Variants in STK3 observed in about 807,000 individuals in gnomAD.
STK3 encodes the protein serine/threonine kinase 3.
A neutral mutation model predicts 58.0 loss-of-function variants in STK3; 41 were observed. That is an observed-to-expected ratio of 0.71 (90% CI 0.55 to 0.92). STK3 has a LOEUF of 0.92. Among genes scored for constraint, STK3 ranks in the 40% least tolerant of loss-of-function variants. The pLI is 0.00. For missense variants in STK3, 479 were observed against 602.7 expected, an observed-to-expected ratio of 0.79 and a Z score of 2.15; for synonymous variants, 170 against 191.0, an observed-to-expected ratio of 0.89 and a Z score of 0.91.
At chr8:98,922,707 T>G (rs1839612511) in intron 1 of STK3, among the ~76,000 whole-genome samples, 1 of 152,236 alleles carries the variant, frequency 6.6e-6, no homozygotes. Flanking sequence ...GTTCTTAGAA[T>G]TTATTATTTA....
intron 3 of STK3, among the ~76,000 whole-genome samples, chr8:98,841,829 G>A (rs1836000702): frequency 6.6e-6 from 1 of 151,884 alleles, no homozygotes; most frequent in Non-Finnish European, 1.5e-5. Flanking sequence ...AAGAAAAATA[G>A]GACTTCAACA....
intron 4 of STK3, among the ~76,000 whole-genome samples, chr8:98,731,970 C>T (rs1008573532): frequency 2.6e-5 from 4 of 152,056 alleles, no homozygotes; most frequent in African/African-American, 7.3e-5. Context: ...ATTTAAAAAA[C>T]GTATTATTCT....
intron 2 of STK3, among the ~76,000 whole-genome samples, chr8:98,372,688 G>T (rs2130991040): frequency 6.6e-6 from 1 of 152,318 alleles, no homozygotes; most frequent in African/African-American, 2.4e-5. Context: ...CAGAACATTG[G>T]CTCCGCTTCA....
At chr8:98,445,444 A>G (rs1459337634) in intron 1 of STK3, among the ~76,000 whole-genome samples, 1 of 152,134 alleles carries the variant, frequency 6.6e-6, no homozygotes, top group Non-Finnish European at 1.5e-5. Context: ...CACCAAACAT[A>G]TCCAAAATAT....
At chr8:98,790,475 A>G (rs924484843) in intron 1 of STK3, among the ~76,000 whole-genome samples, 2 of 152,194 alleles carry the variant, frequency 1.3e-5, no homozygotes, top group Non-Finnish European at 2.9e-5. Context: ...ACATCCCTCT[A>G]TGATTAAAAC....
chr8:98,927,620 G>A, intron 1 of STK3, among the ~76,000 whole-genome samples: 1 of 152,218 alleles, frequency 6.6e-6, no homozygotes, highest in East Asian at 1.9e-4. Flanking sequence ...TAAAGAAACT[G>A]AAGCAAAGAT....
At chr8:98,903,557 C>CCTCTTCTTCTTCTTCT (rs1838763570) in intron 1 of STK3, among the ~76,000 whole-genome samples, 1 of 9,928 alleles carries the variant, frequency 1.0e-4, no homozygotes, top group African/African-American at 3.5e-4. Context: ...CTTCTTCTTC[C>CCTCTTCTTCTTCTTCT]TTTTTTTTTT....
intron 4 of STK3, among the ~76,000 whole-genome samples, chr8:98,742,845 CA>C (rs1487282969): frequency 6.6e-6 from 1 of 151,898 alleles, no homozygotes; most frequent in Non-Finnish European, 1.5e-5. Context: ...TGTCTTAGCC[CA>C]AAATCTCCTT....
intron 3 of STK3, among the ~76,000 whole-genome samples, chr8:98,414,210 G>A (rs1019488995): frequency 3.9e-5 from 6 of 152,170 alleles, no homozygotes; most frequent in African/African-American, 7.2e-5. Context: ...GTTGCAGTGA[G>A]CCAAGATCGT....
chr8:98,844,750 C>G (rs1317743240), intron 3 of STK3, among the ~76,000 whole-genome samples: 1 of 152,250 alleles, frequency 6.6e-6, no homozygotes, highest in South Asian at 2.1e-4. Flanking sequence ...CAGGTGTGAG[C>G]CACTGTGCCC....
intron 1 of STK3, among the ~76,000 whole-genome samples, chr8:98,788,424 T>A (rs1832603931): frequency 6.6e-6 from 1 of 150,444 alleles, no homozygotes; most frequent in Non-Finnish European, 1.5e-5. Context: ...GGTGATGGAG[T>A]AAGACTCCAT....
At chr8:98,643,753 A>G (rs1587132219) in intron 6 of STK3, among the ~76,000 whole-genome samples, 1 of 152,192 alleles carries the variant, frequency 6.6e-6, no homozygotes, top group East Asian at 1.9e-4. Flanking sequence ...GCTCATGTGT[A>G]TAATCTCAGC....
At chr8:98,397,398 G>A (rs930130297), downstream of STK3, among the ~76,000 whole-genome samples, 3 of 152,032 alleles carry the variant, frequency 2.0e-5, no homozygotes, top group Non-Finnish European at 2.9e-5. Context: ...GTGAGGGGGC[G>A]GATAGCAGGT....
At chr8:98,390,531 T>C (rs1817838513), upstream of STK3, among the ~76,000 whole-genome samples, 2 of 152,340 alleles carry the variant, frequency 1.3e-5, no homozygotes, top group Middle Eastern at 3.4e-3. Context: ...CTGTTTGGGA[T>C]TCATTCAATT....
At chr8:98,909,172 A>G (rs1395033571) in intron 1 of STK3, among the ~76,000 whole-genome samples, 1 of 152,174 alleles carries the variant, frequency 6.6e-6, no homozygotes, top group African/African-American at 2.4e-5. Context: ...AACAAAAACA[A>G]AAACAAAAAC....
At chr8:98,780,300 G>C (rs1465064094) in intron 1 of STK3, among the ~76,000 whole-genome samples, 3 of 151,822 alleles carry the variant, frequency 2.0e-5, no homozygotes, top group Non-Finnish European at 4.4e-5. Flanking sequence ...CCATCAATAG[G>C]GTATTTAATG....
the STK3 span, among the ~76,000 whole-genome samples, chr8:98,344,871 C>T: frequency 2.6e-5 from 3 of 113,330 alleles, no homozygotes; most frequent in South Asian, 9.2e-4. Flanking sequence ...CCAGCCTGGG[C>T]GACAGAGCGA....
At chr8:98,760,505 C>G (rs372879061) in intron 3 of STK3, among the ~76,000 whole-genome samples, 22 of 152,020 alleles carry the variant, frequency 1.4e-4, no homozygotes, top group African/African-American at 5.3e-4. Context: ...GTGGAAGAAC[C>G]AGGAAAACAC....
At chr8:98,573,706 T>A (rs907942024) in intron 8 of STK3, among the ~76,000 whole-genome samples, 5 of 152,146 alleles carry the variant, frequency 3.3e-5, no homozygotes, top group African/African-American at 9.7e-5. Context: ...CAAAGTCTCA[T>A]CTGAGACAAG....
Sources: gnomAD v4.1 joint callset for allele counts (sites outside exome capture counted in the v4.1 genomes callset) on GRCh38, gnomAD v4.1.1 for gene constraint, MANE v1.5 for transcripts, NCBI Gene and HGNC (gene_info 2026-07-23, HGNC 2026-07-21) for gene names.